The following TMEM216 variants were observed in gnomAD, a reference collection of about 807,000 sequenced individuals.
TMEM216 encodes the protein transmembrane protein 216, also known as cerebello-oculo-renal syndrome 2.
A neutral mutation model predicts 17.8 loss-of-function variants in TMEM216; 15 were observed. The ratio of observed to expected loss-of-function variants is 0.84; its 90% CI spans 0.56 to 1.30. The LOEUF (loss-of-function observed/expected upper bound fraction) is 1.30, where lower values mean the gene tolerates loss of function less well. TMEM216 is among the 50% of genes most tolerant of loss of function. The probability of loss-of-function intolerance (pLI) is 0.00; values close to 1 mark genes in which losing one functional copy is unlikely to be tolerated. For missense variants in TMEM216, 160 were observed against 175.7 expected (o/e 0.91, Z 0.51); for synonymous variants, 58 against 73.5 (o/e 0.79, Z 1.08).
intron 4 of TMEM216, 40 bp downstream of exon 4, chr11:61,398,015 T>G: frequency 6.2e-7 from 1 of 1,608,174 alleles, no homozygotes; most frequent in Non-Finnish European, 8.5e-7. Context: ...ACTAGAGGGT[T>G]GGGTTCCCAT....
At position 61,398,255 on chromosome 11, in the gene TMEM216, C is replaced by A. The variant is rs1287401520; in HGVS notation, c.432-15C>A. On this transcript the variant is annotated splice_polypyrimidine_tract_variant and intron_variant, in intron 4 of 4. Transcript: ENST00000515837. Reference sequence around the variant, plus strand: ...TCTTTTAACATTTTCTTTCTTTCTGCCATCGTATGGACAGGATTTGAAGTA... The same window carrying A: ...TCTTTTAACATTTTCTTTCTTTCTGACATCGTATGGACAGGATTTGAAGTA... 16 of 1,501,706 alleles carry A rather than the reference C, an allele frequency of 1.1e-5. No homozygotes were observed. The Admixed American group carries it at 3.1e-4, about 29-fold the overall frequency. The allele number at this position is 1,501,706 out of a possible 1,614,324, so 93.0% of individuals were successfully genotyped here.
chr11:61,397,808 G>A lies in TMEM216; in HGVS notation c.264G>A (p.Pro88=), dbSNP rs3741265. ...GAAACCTCTGCCAGCGAAAGATGCCGCTCAGTATTAGCGTGGCCTTGACCT... is the reference window on the plus strand; with the variant it reads ...GAAACCTCTGCCAGCGAAAGATGCCACTCAGTATTAGCGTGGCCTTGACCT... ...TKGNLCQRKM[P]LSISVALTFP... Residue 88 remains proline, a synonymous_variant, in exon 4 of 5, where the codon CCG becomes CCA. Coordinates refer to ENST00000515837, the MANE Select transcript of TMEM216 (RefSeq NM_001173990.3). The A allele has an allele frequency of 0.86, 1,385,415 of 1,613,466 alleles. 595,832 individuals carry two copies. The highest frequency in any genetic ancestry group is 0.97 in the East Asian group (43,685 of 44,874).
In TMEM216 at chr11:61,393,246, C is replaced by A; in HGVS notation, c.50C>A (p.Ser17Tyr). The change falls in exon 2 of 5, where the codon TCC (serine) becomes TAC (tyrosine). Residue 17 changes from serine (S) to tyrosine (Y), a missense_variant. Physicochemically the swap from Ser to Tyr is moderately radical, Grantham distance 144 (BLOSUM62 -2). Coordinates refer to ENST00000515837, the MANE Select transcript of TMEM216 (RefSeq NM_001173990.3). ...KMAPRGKRLS[S>Y]TPLEILFFLN... ...CCTTTTTCAGGTAAACGGTTGTCCT[C>A]CACCCCGCTGGAAATCCTGTTCTTT... 1.3e-6 allele frequency: 2 copies of A among 1,535,886 alleles called. No homozygotes were observed. The highest frequency in any genetic ancestry group is 1.7e-6 in the Non-Finnish European group (2 of 1,146,760).
rs1290828969 is a variant in TMEM216 at position 61,398,195 on chromosome 11, T to C, written c.432-75T>C. The C allele has an allele frequency of 2.5e-6, 4 of 1,572,248 alleles. No homozygotes were observed. In the East Asian group the frequency reaches 6.8e-5, roughly 27 times the overall value. On this transcript the variant is annotated intron_variant, in intron 4 of 4. Transcript: ENST00000515837. Reference sequence around the variant, plus strand: ...CTTTGGGGCCAGGAGGCTTGGAATATAGAACAGTCGAGGCCAGCTGCTCTC... The same window carrying C: ...CTTTGGGGCCAGGAGGCTTGGAATACAGAACAGTCGAGGCCAGCTGCTCTC...
intron 4 of TMEM216, 133 bp from the exon 5 acceptor site, chr11:61,398,137 C>T (rs117509358): frequency 1.5e-4 from 210 of 1,402,502 alleles, no homozygotes; most frequent in Non-Finnish European, 1.9e-4. Flanking sequence ...GTAGGTAGAT[C>T]GTTTCCCACT....
intron 3 of TMEM216, among the ~76,000 whole-genome samples, chr11:61,397,293 A>C (rs1858821207): frequency 6.6e-6 from 1 of 151,308 alleles, no homozygotes; most frequent in African/African-American, 2.4e-5. Flanking sequence ...CAGCCTCCCG[A>C]GTAGCTGGGA....
Position 61,398,470 on chromosome 11 carries a change from G to A in TMEM216, c.*194G>A. The A allele has an allele frequency of 1.6e-6, 1 of 620,550 alleles. No individual in the cohort carries two copies. Among genetic ancestry groups the A allele is most frequent in the Non-Finnish European group, 2.8e-6 (1 of 354,010 alleles). 38.4% of individuals were successfully genotyped at this position (620,550 alleles called of 1,614,324 possible). A position where few individuals can be genotyped will look rare whatever the true frequency, so the allele number is the denominator to read the frequency against. On this transcript the variant is annotated 3_prime_UTR_variant, in exon 5 of 5. Transcript: ENST00000515837. ...ACCATCTTCTAAACCAGGACCATCA[G>A]CCCAAGAGACTCTTCTACACTCCAG...
rs1858721272 is a variant in TMEM216, at chr11:61,393,317, A to G, written c.121A>G (p.Ile41Val). The G allele has an allele frequency of 7.8e-6, 12 of 1,535,000 alleles. No individual in the cohort carries two copies. The highest frequency in any genetic ancestry group is 2.4e-5 in the East Asian group (1 of 40,906). ...TACCTATTTCCTGCTGGAACTTTTC[A>G]TATTTCTGTATAAAGGTAAGGAAGG... Reference protein sequence around the residue: ...NATYFLLELFIFLYKGVLLPY... With the variant: ...NATYFLLELFVFLYKGVLLPY... The change falls in exon 2 of 5, where the codon ATA (isoleucine) becomes GTA (valine). Residue 41 changes from isoleucine to valine, a missense_variant. Transcript: ENST00000515837.
intron 2 of TMEM216, among the ~76,000 whole-genome samples, chr11:61,393,574 T>C (rs1858728282): frequency 6.6e-6 from 1 of 152,188 alleles, no homozygotes; most frequent in Non-Finnish European, 1.5e-5. Context: ...ACATCACTGC[T>C]CTTTGCTGAG....
At chr11:61,392,735 G>C in intron 1 of TMEM216, 70 bp downstream of exon 1, 2 of 1,535,374 alleles carry the variant, frequency 1.3e-6, no homozygotes, top group Non-Finnish European at 8.7e-7. Context: ...CTCTGTCCCA[G>C]AGCTTGACCT....
chr11:61,393,816 C>A, intron 2 of TMEM216, 68 bp from the exon 3 acceptor site: 2 of 1,261,158 alleles, frequency 1.6e-6, no homozygotes, highest in South Asian at 1.4e-5. Flanking sequence ...TCTTTTTTCC[C>A]AAGTGTGTGG....
intron 3 of TMEM216, among the ~76,000 whole-genome samples, chr11:61,397,064 TA>T (rs1340260547): frequency 2.6e-5 from 4 of 152,102 alleles, no homozygotes; most frequent in African/African-American, 9.7e-5. Flanking sequence ...TATATACGTA[TA>T]AAAAATCTGA....
At chr11:61,393,198 G>C (rs1238361461) in intron 1 of TMEM216, 33 bp from the exon 2 acceptor site, 9 of 1,494,536 alleles carry the variant, frequency 6.0e-6, no homozygotes, top group Admixed American at 2.0e-5. Context: ...GCTGCCTTCC[G>C]GCCCATCCCA....
Position 61,393,429 on chromosome 11 carries a change from C to T in TMEM216, c.136+97C>T, listed in dbSNP as rs1376394078. The T allele has an allele frequency of 4.6e-6, 4 of 876,704 alleles. No individual in the cohort carries two copies. The East Asian group carries it at 8.0e-5, about 18-fold the overall frequency. 54.3% of individuals were successfully genotyped at this position (876,704 alleles called of 1,614,324 possible). A position where few individuals can be genotyped will look rare whatever the true frequency, so the allele number is the denominator to read the frequency against. On this transcript the variant is annotated intron_variant, in intron 2 of 4. Transcript: ENST00000515837. ...CCTTCTTATTTTCCGTTCTTTTCTG[C>T]CCCCTGCAGTTCTTTGTCGCTGCAA...
chr11:61,397,600 G>A (rs1043748446), intron 3 of TMEM216, 174 bp from the exon 4 acceptor site: 1 of 554,216 alleles, frequency 1.8e-6, no homozygotes, highest in African/African-American at 1.9e-5. Context: ...CTTTAATCTT[G>A]TAGCTCTCCT....
intron 2 of TMEM216, 21 bp downstream of exon 2, chr11:61,393,353 G>A (rs1858722133): frequency 6.7e-7 from 1 of 1,481,484 alleles, no homozygotes; most frequent in African/African-American, 1.4e-5. Context: ...CTTGGGGCTT[G>A]ACGACAGCAT....
intron 1 of TMEM216, 62 bp from the exon 2 acceptor site, chr11:61,393,169 C>G: frequency 7.7e-7 from 1 of 1,292,398 alleles, no homozygotes; most frequent in South Asian, 1.4e-5. Flanking sequence ...AGACACCAAC[C>G]CATACGAGCA....
At chr11:61,398,039 T>C in intron 4 of TMEM216, 64 bp downstream of exon 4, 1 of 1,582,968 alleles carries the variant, frequency 6.3e-7, no homozygotes, top group Non-Finnish European at 8.7e-7. Context: ...AGGGAGGGAT[T>C]CAGTATTCTT....
chr11:61,397,696 A>G, intron 3 of TMEM216, 78 bp from the exon 4 acceptor site: 1 of 1,372,428 alleles, frequency 7.3e-7, no homozygotes, highest in Non-Finnish European at 1.0e-6. Context: ...TTGCCATTCC[A>G]TCACATCTCC....
Sources: gnomAD v4.1 joint callset for allele counts (sites outside exome capture counted in the v4.1 genomes callset) on GRCh38, gnomAD v4.1.1 for gene constraint, MANE v1.5 for transcripts, NCBI Gene and HGNC (gene_info 2026-07-23, HGNC 2026-07-21) for gene names.